The following ABTB3 variants were observed in gnomAD, a reference collection of about 807,000 sequenced individuals.
ABTB3 encodes ankyrin repeat- and BTB/POZ domain-containing protein 3.
the ABTB3 span, among the ~76,000 whole-genome samples, chr12:107,414,716 C>CTTT: frequency 1.4e-5 from 2 of 144,778 alleles, no homozygotes; most frequent in East Asian, 2.1e-4. Flanking sequence ...CTTTTCTTTT[C>CTTT]TTTTTCTTTT....
chr12:107,630,713 G>A, the ABTB3 span, among the ~76,000 whole-genome samples: 3 of 152,142 alleles, frequency 2.0e-5, no homozygotes, highest in Non-Finnish European at 2.9e-5. Context: ...GGGACTATAG[G>A]CATGCACCAC....
the ABTB3 span, among the ~76,000 whole-genome samples, chr12:107,576,056 T>C: frequency 6.6e-6 from 1 of 152,212 alleles, no homozygotes; most frequent in Non-Finnish European, 1.5e-5. Context: ...ACCACAGCAC[T>C]GTACAATCTT....
the ABTB3 span, among the ~76,000 whole-genome samples, chr12:107,527,353 C>A: frequency 2.6e-5 from 4 of 152,150 alleles, no homozygotes; most frequent in Admixed American, 2.6e-4. Context: ...CTCACTGCAA[C>A]CTCCGCCTCC....
chr12:107,513,010 C>T, the ABTB3 span, among the ~76,000 whole-genome samples: 7 of 152,194 alleles, frequency 4.6e-5, no homozygotes, highest in Non-Finnish European at 1.0e-4. Context: ...ATGTCAACCC[C>T]GAGCCTTTGC....
the ABTB3 span, among the ~76,000 whole-genome samples, chr12:107,623,249 C>A: frequency 6.6e-6 from 1 of 151,428 alleles, no homozygotes. Context: ...TTAGTAGAGG[C>A]AGGATTTCAC....
At chr12:107,590,517 C>T in the ABTB3 span, among the ~76,000 whole-genome samples, 2 of 152,116 alleles carry the variant, frequency 1.3e-5, no homozygotes, top group Admixed American at 6.5e-5. Flanking sequence ...GGTTGCAACA[C>T]CAGCAGAGAA....
the ABTB3 span, chr12:107,649,311 C>A: frequency 6.3e-7 from 1 of 1,579,202 alleles, no homozygotes; most frequent in Non-Finnish European, 8.7e-7. Context: ...ATCATAGGTC[C>A]CTTGGGTGAG....
At chr12:107,535,996 A>C in the ABTB3 span, among the ~76,000 whole-genome samples, 2 of 152,224 alleles carry the variant, frequency 1.3e-5, no homozygotes, top group South Asian at 2.1e-4. Context: ...TTCAAAGTAT[A>C]CTAAGCAATA....
At chr12:107,360,409 C>T in the ABTB3 span, among the ~76,000 whole-genome samples, 1 of 152,122 alleles carries the variant, frequency 6.6e-6, no homozygotes, top group Non-Finnish European at 1.5e-5. Context: ...AGATGTTGAG[C>T]AGTTGGGACT....
the ABTB3 span, among the ~76,000 whole-genome samples, chr12:107,551,403 A>T: frequency 9.1e-4 from 138 of 152,338 alleles, 1 homozygote; most frequent in African/African-American, 3.2e-3. Flanking sequence ...AACATGATCC[A>T]TTTGTAACTT....
the ABTB3 span, among the ~76,000 whole-genome samples, chr12:107,470,002 T>TCTCTCTCTCTCTCTC: frequency 3.5e-5 from 2 of 56,792 alleles, no homozygotes; most frequent in Non-Finnish European, 6.5e-5. Context: ...CTTTCTTTCT[T>TCTCTCTCTCTCTCTC]TCTTTCTTTC....
At chr12:107,507,633 C>T in the ABTB3 span, among the ~76,000 whole-genome samples, 15 of 152,312 alleles carry the variant, frequency 9.8e-5, no homozygotes, top group South Asian at 2.1e-4. Context: ...TGGCCCCTGC[C>T]CACCTCATGG....
chr12:107,348,906 A>AG, the ABTB3 span, among the ~76,000 whole-genome samples: 4 of 152,094 alleles, frequency 2.6e-5, no homozygotes, highest in African/African-American at 9.7e-5. Context: ...AGCAGCAGTG[A>AG]GGGGGGGACC....
the ABTB3 span, among the ~76,000 whole-genome samples, chr12:107,499,346 C>G: frequency 6.8e-6 from 1 of 148,092 alleles, no homozygotes; most frequent in Admixed American, 6.7e-5. Flanking sequence ...CACAGAGAGA[C>G]ACACAAAGAG....
chr12:107,567,344 C>T, the ABTB3 span, among the ~76,000 whole-genome samples: 8 of 152,330 alleles, frequency 5.3e-5, no homozygotes, highest in East Asian at 9.6e-4. Context: ...AACTGAAGTA[C>T]AGTCATGTGC....
At chr12:107,385,422 G>T in the ABTB3 span, among the ~76,000 whole-genome samples, 1 of 152,206 alleles carries the variant, frequency 6.6e-6, no homozygotes, top group Non-Finnish European at 1.5e-5. Context: ...ACACACATTT[G>T]CATTGCCTGC....
the ABTB3 span, chr12:107,659,158 G>T: frequency 3.9e-5 from 6 of 152,216 alleles, no homozygotes; most frequent in Admixed American, 3.9e-4. Flanking sequence ...TCAGGAAGTT[G>T]TGCCAGACCC....
the ABTB3 span, among the ~76,000 whole-genome samples, chr12:107,413,001 G>C: frequency 6.6e-6 from 1 of 152,160 alleles, no homozygotes. Flanking sequence ...GAGGCCGGGC[G>C]CGGTGGCTCA....
chr12:107,340,713 T>A, the ABTB3 span, among the ~76,000 whole-genome samples: 1 of 151,928 alleles, frequency 6.6e-6, no homozygotes, highest in African/African-American at 2.4e-5. Flanking sequence ...AATAAAAAAA[T>A]AAGCACCAGG....
Sources: allele counts gnomAD v4.1 joint callset (sites outside exome capture counted in the v4.1 genomes callset), GRCh38; gene constraint gnomAD v4.1.1; transcripts MANE v1.5; gene names NCBI Gene and HGNC (gene_info 2026-07-23, HGNC 2026-07-21).